Variants in ACSF3 observed in about 807,000 individuals in gnomAD.
The protein encoded by ACSF3 is malonate--CoA ligase ACSF3, mitochondrial.
In ACSF3, 78 loss-of-function variants were observed where a neutral mutation model predicts 53.2. That is an observed-to-expected ratio of 1.47 (90% CI 1.22 to 1.77). The LOEUF (loss-of-function observed/expected upper bound fraction) is 1.77, where lower values mean the gene tolerates loss of function less well. ACSF3 is among the 40% of genes most tolerant of loss of function. The probability of loss-of-function intolerance (pLI) is 0.00; values close to 1 mark genes in which losing one functional copy is unlikely to be tolerated. For synonymous variants in ACSF3, 414 were observed against 333.1 expected, an observed-to-expected ratio of 1.24 and a Z score of -2.65; for missense variants, 937 against 771.1, an observed-to-expected ratio of 1.22 and a Z score of -2.55.
chr16:89,126,794 C>G (rs137980106), intron 7 of ACSF3, among the ~76,000 whole-genome samples: 2 of 152,340 alleles, frequency 1.3e-5, no homozygotes, highest in East Asian at 3.8e-4. Context: ...ATGACCAAAG[C>G]CCTGACTAGG....
intron 8 of ACSF3, among the ~76,000 whole-genome samples, chr16:89,134,575 T>G (rs1910031771): frequency 6.6e-6 from 1 of 152,058 alleles, no homozygotes; most frequent in Non-Finnish European, 1.5e-5. Context: ...GAGAGTGTAG[T>G]TGCAAGATTT....
chr16:89,150,837 C>A, intron 10 of ACSF3: 1 of 494,964 alleles, frequency 2.0e-6, no homozygotes, highest in Non-Finnish European at 3.3e-6. Context: ...TTGCTGTGCC[C>A]GGCTCAGGCT....
intron 6 of ACSF3, among the ~76,000 whole-genome samples, chr16:89,119,854 A>C (rs1040831089): frequency 6.6e-6 from 1 of 152,214 alleles, no homozygotes; most frequent in African/African-American, 2.4e-5. Flanking sequence ...TGGATTGCAG[A>C]GTTCACTGCA....
intron 6 of ACSF3, among the ~76,000 whole-genome samples, chr16:89,119,806 C>T (rs1035880183): frequency 6.6e-6 from 1 of 152,224 alleles, no homozygotes; most frequent in African/African-American, 2.4e-5. Context: ...CGGGCACCGA[C>T]AGCCCCTCAC....
intron 1 of ACSF3, among the ~76,000 whole-genome samples, chr16:89,094,371 C>T (rs528050511): frequency 6.6e-6 from 1 of 152,342 alleles, no homozygotes; most frequent in East Asian, 1.9e-4. Flanking sequence ...GAAGTACTCC[C>T]CGTTTTAGTT....
chr16:89,130,038 C>G, intron 7 of ACSF3, among the ~76,000 whole-genome samples: 1 of 152,232 alleles, frequency 6.6e-6, no homozygotes, highest in East Asian at 1.9e-4. Context: ...CAACTTCATT[C>G]ATCCAAATAT....
chr16:89,135,996 A>G (rs1267023239), intron 8 of ACSF3, among the ~76,000 whole-genome samples: 1 of 152,232 alleles, frequency 6.6e-6, no homozygotes, highest in Non-Finnish European at 1.5e-5. Flanking sequence ...GCTGGTCTCG[A>G]GCTCCTGGCC....
Position 89,093,957 on chromosome 16 carries a change from G to C in ACSF3, c.-233G>C. The C allele has an allele frequency of 3.1e-6, 1 of 322,086 alleles. No individual in the cohort carries two copies. Among genetic ancestry groups the C allele is most frequent in the Non-Finnish European group, 6.5e-6 (1 of 154,036 alleles). The allele number at this position is 322,086 out of a possible 1,614,324, so 20.0% of individuals were successfully genotyped here. A position where few individuals can be genotyped will look rare whatever the true frequency, so the allele number is the denominator to read the frequency against. On this transcript the variant is annotated 5_prime_UTR_variant, in exon 1 of 11. Transcript: ENST00000614302. Reference sequence around the variant, plus strand: ...CGGCGGAGGACGAGGAAGAGTTGTGGCGAGGCAGATCCTGCCCCGTGGCCG... The same window carrying C: ...CGGCGGAGGACGAGGAAGAGTTGTGCCGAGGCAGATCCTGCCCCGTGGCCG...
intron 6 of ACSF3, chr16:89,114,908 G>A (rs750868269): frequency 1.1e-4 from 38 of 340,288 alleles, no homozygotes; most frequent in Non-Finnish European, 2.1e-4. Context: ...CAGGAGAGGT[G>A]GGTGTGGTGG....
At chr16:89,124,551 A>G (rs12448410) in intron 7 of ACSF3, among the ~76,000 whole-genome samples, 105,956 of 150,818 alleles carry the variant, frequency 0.7, 37,655 homozygotes, top group Middle Eastern at 0.77. Flanking sequence ...TGCTCACTGT[A>G]TGTATGTGTG....
intron 8 of ACSF3, among the ~76,000 whole-genome samples, chr16:89,135,816 C>G (rs1910329295): frequency 1.3e-5 from 2 of 152,252 alleles, no homozygotes; most frequent in Non-Finnish European, 2.9e-5. Context: ...GCTCTGTCGC[C>G]CAGTCTGCAG....
chr16:89,131,044 A>T (rs865996073), intron 7 of ACSF3, among the ~76,000 whole-genome samples: 1 of 141,760 alleles, frequency 7.1e-6, no homozygotes, highest in East Asian at 2.1e-4. Flanking sequence ...TCTGCTTTAT[A>T]TCTGTTATTT....
chr16:89,128,258 T>C (rs1463973338), intron 7 of ACSF3, among the ~76,000 whole-genome samples: 1 of 149,884 alleles, frequency 6.7e-6, no homozygotes, highest in Non-Finnish European at 1.5e-5. Flanking sequence ...TATTTTTTTC[T>C]TTTTTCTTTT....
At chr16:89,094,841 G>A (rs566731509) in intron 1 of ACSF3, among the ~76,000 whole-genome samples, 3 of 152,336 alleles carry the variant, frequency 2.0e-5, no homozygotes, top group African/African-American at 7.2e-5. Flanking sequence ...GCTGCAGTGA[G>A]CCATGACAGC....
Position 89,128,281 on chromosome 16 carries a change from A to G in ACSF3, c.1240-4855A>G, listed in dbSNP as rs1239644992. Among the ~76,000 whole-genome samples the G allele has an allele frequency of 2.0e-5, 3 of 149,214 alleles. No individual in the cohort carries two copies. In the East Asian group the frequency reaches 5.9e-4, roughly 30 times the overall value. ...TCTTTTTTCTTTTTTTTTTTTTGAG[A>G]CGGAGTTTCGCTCTCGTTGCCCAGG... is the stretch of plus-strand genomic sequence containing the variant. On this transcript the variant is annotated intron_variant, in intron 7 of 10. Coordinates refer to ENST00000614302, the MANE Select transcript of ACSF3 (RefSeq NM_001243279.3).
chr16:89,135,762 A>C lies in ACSF3; in HGVS notation c.1366+2500A>C, dbSNP rs565241086. 1.9e-3 allele frequency among the ~76,000 whole-genome samples: 292 copies of C among 152,278 alleles called. 1 individual carries two copies. Among genetic ancestry groups the C allele is most frequent in the African/African-American group, 6.6e-3 (276 of 41,566 alleles). ...CCGACCCCAATCCGACTCACGCTGC[A>C]GTTGTTTTATTTATTTAGTTAGTTA... On this transcript the variant is annotated intron_variant, in intron 8 of 10. Transcript: ENST00000614302.
At chr16:89,119,744 G>A (rs980517055) in intron 6 of ACSF3, among the ~76,000 whole-genome samples, 11 of 152,132 alleles carry the variant, frequency 7.2e-5, no homozygotes, top group African/African-American at 1.7e-4. Context: ...GCCCGGCTTC[G>A]CCTGCAGGAC....
chr16:89,126,394 C>A (rs56291251), intron 7 of ACSF3, among the ~76,000 whole-genome samples: 29,525 of 151,956 alleles, frequency 0.19, 3,039 homozygotes, highest in African/African-American at 0.27. Flanking sequence ...TCAGCCTCCC[C>A]AGTAGCTGGG....
chr16:89,137,280 C>T (rs979253649), intron 8 of ACSF3, among the ~76,000 whole-genome samples: 1 of 151,248 alleles, frequency 6.6e-6, no homozygotes, highest in Non-Finnish European at 1.5e-5. Context: ...GGGGAAGAGC[C>T]CCAGGTCTCG....
Sources: allele counts gnomAD v4.1 joint callset (sites outside exome capture counted in the v4.1 genomes callset), GRCh38; gene constraint gnomAD v4.1.1; transcripts MANE v1.5; gene names NCBI Gene and HGNC (gene_info 2026-07-23, HGNC 2026-07-21).